The following ACOT12 variants were observed in gnomAD, a reference collection of about 807,000 sequenced individuals.
The protein encoded by ACOT12 is acetyl-coenzyme A thioesterase.
ACOT12 carries 51 observed loss-of-function variants against 67.7 expected under a neutral mutation model. The ratio of observed to expected loss-of-function variants is 0.75; its 90% CI spans 0.60 to 0.95. ACOT12 has a LOEUF of 0.95. Among genes scored for constraint, ACOT12 ranks in the 40% least tolerant of loss-of-function variants. ACOT12 has a pLI of 0.00. For missense variants in ACOT12, 734 were observed against 708.1 expected, an observed-to-expected ratio of 1.04 and a Z score of -0.41; for synonymous variants, 251 against 244.6, an observed-to-expected ratio of 1.03 and a Z score of -0.24.
At chr5:81,322,032 A>C in the ACOT12 span, among the ~76,000 whole-genome samples, 1 of 152,106 alleles carries the variant, frequency 6.6e-6, no homozygotes, top group East Asian at 1.9e-4. Context: ...TGAGATCGAT[A>C]TATGTGAAAA....
intron 12 of ACOT12, among the ~76,000 whole-genome samples, chr5:81,334,163 T>TA (rs140041115): frequency 0.025 from 3,791 of 152,250 alleles, 59 homozygotes; most frequent in African/African-American, 0.045. Flanking sequence ...CACCACTCAA[T>TA]AAACCTTGCA....
intron 5 of ACOT12, among the ~76,000 whole-genome samples, chr5:81,358,710 G>A (rs530822308): frequency 1.8e-4 from 27 of 152,236 alleles, no homozygotes; most frequent in African/African-American, 6.0e-4. Flanking sequence ...TTAGCTGGGC[G>A]TGGTGGCACG....
chr5:81,392,116 T>G (rs1484634623), intron 1 of ACOT12, among the ~76,000 whole-genome samples: 1 of 152,184 alleles, frequency 6.6e-6, no homozygotes. Flanking sequence ...TCATCTTTCT[T>G]TAAATATTGA....
At chr5:81,364,632 T>C (rs1213853723) in intron 3 of ACOT12, among the ~76,000 whole-genome samples, 1 of 152,158 alleles carries the variant, frequency 6.6e-6, no homozygotes. Flanking sequence ...TTTCACCATG[T>C]TGGCCAGGAT....
intron 4 of ACOT12, among the ~76,000 whole-genome samples, chr5:81,362,479 T>C (rs1421090802): frequency 6.6e-6 from 1 of 152,186 alleles, no homozygotes; most frequent in African/African-American, 2.4e-5. Context: ...TATTATATTC[T>C]TATTCCACAC....
At chr5:81,393,598 T>A (rs1336197915) in intron 1 of ACOT12, among the ~76,000 whole-genome samples, 2 of 151,948 alleles carry the variant, frequency 1.3e-5, no homozygotes, top group Non-Finnish European at 2.9e-5. Context: ...GCGTCTGTGG[T>A]CCTAGTTACT....
At chr5:81,365,879 TA>T (rs560363129) in intron 3 of ACOT12, among the ~76,000 whole-genome samples, 1 of 150,856 alleles carries the variant, frequency 6.6e-6, no homozygotes, top group African/African-American at 2.4e-5. Context: ...AGAAGGAAAC[TA>T]AAAAAAAAGA....
At chr5:81,309,094 T>TGAGTG in the ACOT12 span, 1 of 1,286,342 alleles carries the variant, frequency 7.8e-7, no homozygotes, top group Non-Finnish European at 1.1e-6. Context: ...CAGTTGTGAT[T>TGAGTG]TAATTTACAC....
At chr5:81,372,466 T>C (rs1430331614) in intron 2 of ACOT12, among the ~76,000 whole-genome samples, 2 of 152,220 alleles carry the variant, frequency 1.3e-5, no homozygotes, top group African/African-American at 4.8e-5. Flanking sequence ...CCTTTCTCTT[T>C]GCTCTTCTGT....
At chr5:81,388,549 ACCTT>A (rs1291395192) in intron 1 of ACOT12, among the ~76,000 whole-genome samples, 2 of 152,148 alleles carry the variant, frequency 1.3e-5, no homozygotes, top group African/African-American at 4.8e-5. Context: ...AATAGTGGTA[ACCTT>A]CCTTCATTTC....
intron 2 of ACOT12, 55 bp from the exon 3 acceptor site, chr5:81,371,865 T>C (rs971740896): frequency 6.6e-7 from 1 of 1,505,288 alleles, no homozygotes; most frequent in African/African-American, 1.4e-5. Context: ...TCATTTCAGA[T>C]AAGACTTAAA....
At chr5:81,330,702 T>G in intron 14 of ACOT12, 112 bp downstream of exon 14, 2 of 1,527,136 alleles carry the variant, frequency 1.3e-6, no homozygotes, top group Non-Finnish European at 1.8e-6. Context: ...AGGATTCCCA[T>G]AGTGTGGACA....
chr5:81,344,490 C>G (rs1456741303), intron 8 of ACOT12, among the ~76,000 whole-genome samples: 1 of 152,194 alleles, frequency 6.6e-6, no homozygotes, highest in Non-Finnish European at 1.5e-5. Flanking sequence ...ACTTAATTCT[C>G]ACTACAGAGT....
chr5:81,335,160 G>A lies in ACOT12; in HGVS notation c.1262+608C>T, dbSNP rs148727771. On this transcript the variant is annotated intron_variant, in intron 12 of 14. Transcript: ENST00000307624. ...CAGAGCATGACAGACTTGGGTTCCA[G>A]TTTGGGTTCCATCACTTTATTGCCT... Among the ~76,000 whole-genome samples, 534 of 152,320 alleles carry A rather than the reference G, an allele frequency of 3.5e-3. 6 individuals are homozygous for A. Among genetic ancestry groups the A allele is most frequent in the African/African-American group, 0.011 (470 of 41,562 alleles).
chr5:81,358,354 C>T (rs566310910), intron 5 of ACOT12, among the ~76,000 whole-genome samples: 2 of 152,272 alleles, frequency 1.3e-5, no homozygotes, highest in African/African-American at 4.8e-5. Context: ...GAGGAGACAG[C>T]AGGGTTTTGT....
the ACOT12 span, among the ~76,000 whole-genome samples, chr5:81,322,640 T>C: frequency 6.6e-6 from 1 of 152,160 alleles, no homozygotes; most frequent in Non-Finnish European, 1.5e-5. Flanking sequence ...TGTATTAGTC[T>C]GTTCTCAACA....
intron 2 of ACOT12, among the ~76,000 whole-genome samples, chr5:81,378,533 A>G (rs533808268): frequency 6.6e-6 from 1 of 152,210 alleles, no homozygotes; most frequent in Non-Finnish European, 1.5e-5. Flanking sequence ...AGAAACTATC[A>G]TCAGACTGAA....
At position 81,330,481 on chromosome 5, in the gene ACOT12, G is replaced by A. The variant is rs1222266192; in HGVS notation, c.1581C>T (p.Gly527=). 1.2e-6 allele frequency: 2 copies of A among 1,613,968 alleles called. No homozygotes were observed. Among genetic ancestry groups the A allele is most frequent in the African/African-American group, 2.7e-5 (2 of 74,932 alleles). The change falls in exon 15 of 15, where the codon GGC becomes GGT. Residue 527 remains glycine (G), a synonymous_variant. Transcript: ENST00000307624. The part of the protein sequence containing the change: ...ILPYFAGNLG[G]WSKSIEETAA... ...CTGTTTCTTCAATGGATTTTGACCA[G>A]CCACCAAGATTTCCAGCAAAGTAAG... is the stretch of plus-strand genomic sequence containing the variant.
At chr5:81,330,789 T>C (rs1442340356) in intron 14 of ACOT12, 25 bp downstream of exon 14, 1 of 1,606,436 alleles carries the variant, frequency 6.2e-7, no homozygotes, top group Non-Finnish European at 8.5e-7. Flanking sequence ...AGCCAATTAA[T>C]CTGCAGATGT....
Sources: gnomAD v4.1 joint callset for allele counts (sites outside exome capture counted in the v4.1 genomes callset) on GRCh38, gnomAD v4.1.1 for gene constraint, MANE v1.5 for transcripts, NCBI Gene and HGNC (gene_info 2026-07-23, HGNC 2026-07-21) for gene names.